CLSTN2: variants seen among roughly 807,000 people sequenced by gnomAD.
CLSTN2 encodes the protein calsyntenin 2, also known as calsyntenin-2.
In CLSTN2, 48 loss-of-function variants were observed where a neutral mutation model predicts 101.2. The observed-to-expected ratio is 0.47, with a 90% CI of 0.38 to 0.60. CLSTN2 has a LOEUF of 0.60. Among genes scored for constraint, CLSTN2 ranks in the 20% least tolerant of loss-of-function variants. CLSTN2 has a pLI of 0.00. For missense variants in CLSTN2, 1,160 were observed against 1,238.2 expected (o/e 0.94, Z 0.95); for synonymous variants, 481 against 463.6 (o/e 1.04, Z -0.48).
Position 140,220,384 on chromosome 3 carries a change from G to A in CLSTN2, c.232+44311G>A, listed in dbSNP as rs200187905. Among the ~76,000 whole-genome samples, 143 of 152,316 alleles carry A rather than the reference G, an allele frequency of 9.4e-4. 2 individuals are homozygous for A. Among genetic ancestry groups the A allele is most frequent in the Non-Finnish European group, 1.5e-3 (105 of 68,028 alleles). On this transcript the variant is annotated intron_variant, in intron 2 of 16. Coordinates refer to ENST00000458420, the MANE Select transcript of CLSTN2 (RefSeq NM_022131.3). Reference sequence around the variant, plus strand: ...AGTTCCAAGGATAATAGAATTGTGGGCATTAGCAGGACCATTATTTGGAAT... The same window carrying A: ...AGTTCCAAGGATAATAGAATTGTGGACATTAGCAGGACCATTATTTGGAAT...
intron 2 of CLSTN2, among the ~76,000 whole-genome samples, chr3:140,353,415 G>C (rs1223643799): frequency 6.6e-6 from 1 of 152,092 alleles, no homozygotes; most frequent in Non-Finnish European, 1.5e-5. Context: ...GGAGAAAGAC[G>C]TATACTGGGA....
intron 2 of CLSTN2, among the ~76,000 whole-genome samples, chr3:140,275,726 C>T (rs955363930): frequency 1.4e-4 from 22 of 152,274 alleles, no homozygotes; most frequent in African/African-American, 4.6e-4. Context: ...GTAGCTGTCA[C>T]CACAGTGCTC....
At chr3:140,366,118 G>A (rs527929803) in intron 2 of CLSTN2, among the ~76,000 whole-genome samples, 16 of 152,314 alleles carry the variant, frequency 1.1e-4, no homozygotes, top group African/African-American at 2.2e-4. Context: ...CATCTGCTGC[G>A]TGTCAGAGAG....
intron 2 of CLSTN2, among the ~76,000 whole-genome samples, chr3:140,365,338 C>A (rs570941507): frequency 2.6e-5 from 4 of 152,022 alleles, no homozygotes; most frequent in African/African-American, 7.3e-5. Flanking sequence ...TTGAGCCAAG[C>A]AGAGGTGGCG....
intron 1 of CLSTN2, among the ~76,000 whole-genome samples, chr3:140,067,462 A>G (rs974502417): frequency 1.3e-5 from 2 of 152,188 alleles, no homozygotes; most frequent in African/African-American, 4.8e-5. Context: ...GAAACATCAT[A>G]CCAAGAACCT....
intron 1 of CLSTN2, among the ~76,000 whole-genome samples, chr3:140,044,704 A>G (rs886961906): frequency 2.6e-5 from 4 of 152,230 alleles, no homozygotes; most frequent in Non-Finnish European, 5.9e-5. Flanking sequence ...GATACATCCC[A>G]TCAATACCTA....
intron 1 of CLSTN2, among the ~76,000 whole-genome samples, chr3:139,946,446 C>A (rs1253758861): frequency 6.6e-6 from 1 of 152,186 alleles, no homozygotes; most frequent in Admixed American, 6.5e-5. Context: ...ACCAGAGGGC[C>A]ATTGTCCCTT....
chr3:140,516,462 T>C (rs185720466), intron 8 of CLSTN2, among the ~76,000 whole-genome samples: 302 of 152,318 alleles, frequency 2.0e-3, no homozygotes, highest in Admixed American at 4.6e-3. Flanking sequence ...TGTTCTATTT[T>C]GGTTTATTTG....
intron 2 of CLSTN2, among the ~76,000 whole-genome samples, chr3:140,310,351 C>A (rs1249757298): frequency 1.3e-5 from 2 of 151,968 alleles, no homozygotes; most frequent in Non-Finnish European, 2.9e-5. Context: ...CTCTACCCAG[C>A]ACACTCCCTC....
chr3:140,401,923 A>G (rs1374383216), intron 2 of CLSTN2, among the ~76,000 whole-genome samples: 1 of 152,290 alleles, frequency 6.6e-6, no homozygotes, highest in East Asian at 1.9e-4. Flanking sequence ...GATCCCAAAA[A>G]ACGGAAGTGA....
At chr3:140,458,421 G>A (rs1933470100) in intron 6 of CLSTN2, among the ~76,000 whole-genome samples, 1 of 152,044 alleles carries the variant, frequency 6.6e-6, no homozygotes, top group Middle Eastern at 3.2e-3. Context: ...CAAGTTCCTG[G>A]CCCTCCTTCC....
rs980605526 is a variant in CLSTN2, at chr3:140,379,723, C to T, written c.233-23906C>T. On this transcript the variant is annotated intron_variant, in intron 2 of 16. Coordinates refer to ENST00000458420, the MANE Select transcript of CLSTN2 (RefSeq NM_022131.3). Reference sequence around the variant, plus strand: ...ACAGGTTAAATATGTTTGCCATATCCGTAGGATGGAATATTATGTAGCCAC... The same window carrying T: ...ACAGGTTAAATATGTTTGCCATATCTGTAGGATGGAATATTATGTAGCCAC... Among the ~76,000 whole-genome samples the T allele has an allele frequency of 4.6e-5, 7 of 152,060 alleles. No individual in the cohort carries two copies. In the East Asian group the frequency reaches 5.8e-4, roughly 13 times the overall value.
At chr3:140,509,386 G>T (rs1559889828) in intron 8 of CLSTN2, among the ~76,000 whole-genome samples, 1 of 152,082 alleles carries the variant, frequency 6.6e-6, no homozygotes, top group Non-Finnish European at 1.5e-5. Context: ...TGATTCCATG[G>T]GTCTGAGGTG....
intron 1 of CLSTN2, among the ~76,000 whole-genome samples, chr3:140,164,775 A>G (rs2010107419): frequency 6.6e-6 from 1 of 152,208 alleles, no homozygotes; most frequent in African/African-American, 2.4e-5. Flanking sequence ...ATTGCCATAT[A>G]GTTCATTCCC....
intron 9 of CLSTN2, among the ~76,000 whole-genome samples, chr3:140,538,885 A>T (rs1293565820): frequency 6.6e-6 from 1 of 152,230 alleles, no homozygotes; most frequent in Non-Finnish European, 1.5e-5. Flanking sequence ...CCAAACCACC[A>T]TATTTGAGAG....
intron 1 of CLSTN2, among the ~76,000 whole-genome samples, chr3:140,152,596 T>C (rs2107814887): frequency 6.6e-6 from 1 of 152,304 alleles, no homozygotes; most frequent in South Asian, 2.1e-4. Context: ...TTGTATGAAA[T>C]TGCTGCTGTG....
chr3:140,057,117 TG>T (rs2008112193), intron 1 of CLSTN2, among the ~76,000 whole-genome samples: 1 of 152,244 alleles, frequency 6.6e-6, no homozygotes, highest in South Asian at 2.1e-4. Flanking sequence ...AGTGTCATTA[TG>T]CCCATGCACA....
intron 1 of CLSTN2, among the ~76,000 whole-genome samples, chr3:140,001,718 G>GT (rs995798282): frequency 1.7e-3 from 249 of 145,044 alleles, no homozygotes; most frequent in Middle Eastern, 3.6e-3. Context: ...CATGATTTCT[G>GT]TTTTTTTTTT....
intron 1 of CLSTN2, among the ~76,000 whole-genome samples, chr3:140,088,767 G>T (rs2008720681): frequency 6.6e-6 from 1 of 152,136 alleles, no homozygotes; most frequent in Non-Finnish European, 1.5e-5. Context: ...GTTTCTTCCT[G>T]GACCCAGCAA....
Sources: gnomAD v4.1 joint callset for allele counts (sites outside exome capture counted in the v4.1 genomes callset) on GRCh38, gnomAD v4.1.1 for gene constraint, MANE v1.5 for transcripts, NCBI Gene and HGNC (gene_info 2026-07-23, HGNC 2026-07-21) for gene names.